The following SMCO1 variants were observed in gnomAD, a reference collection of about 807,000 sequenced individuals.
SMCO1 encodes single-pass membrane and coiled-coil domain-containing protein 1.
A neutral mutation model predicts 7.5 loss-of-function variants in SMCO1; 9 were observed. The observed-to-expected ratio is 1.20, with a 90% confidence interval of 0.72 to 2.09. The LOEUF (loss-of-function observed/expected upper bound fraction) is 2.09. SMCO1 is among the 30% of genes most tolerant of loss of function. The pLI is 0.00. For missense variants in SMCO1, 219 were observed against 253.1 expected (o/e 0.87, Z 0.91); for synonymous variants, 90 against 93.8 (o/e 0.96, Z 0.23).
intron 1 of SMCO1, among the ~76,000 whole-genome samples, chr3:196,513,791 C>G (rs950329123): frequency 2.6e-5 from 4 of 152,128 alleles, no homozygotes; most frequent in African/African-American, 7.2e-5. Flanking sequence ...TCTTTGGAAT[C>G]CTCTCACCAA....
chr3:196,512,306 C>T (rs1347017496), intron 1 of SMCO1, among the ~76,000 whole-genome samples: 1 of 152,174 alleles, frequency 6.6e-6, no homozygotes, highest in Non-Finnish European at 1.5e-5. Context: ...CCTGGGCCAC[C>T]TAGATTGTCG....
upstream of SMCO1, among the ~76,000 whole-genome samples, chr3:196,516,021 AT>A: frequency 3.3e-5 from 4 of 120,744 alleles, no homozygotes; most frequent in Admixed American, 9.3e-5. Context: ...ATATATATAT[AT>A]ATATATATAA....
At chr3:196,514,714 G>C (rs1436377262) in intron 1 of SMCO1, among the ~76,000 whole-genome samples, 1 of 152,130 alleles carries the variant, frequency 6.6e-6, no homozygotes, top group Admixed American at 6.5e-5. Flanking sequence ...ACATAGGTTT[G>C]GGCCTGGAAG....
At chr3:196,513,352 C>T (rs889979613) in intron 1 of SMCO1, among the ~76,000 whole-genome samples, 6 of 149,500 alleles carry the variant, frequency 4.0e-5, no homozygotes, top group South Asian at 2.1e-4. Flanking sequence ...GAAAGTTGGC[C>T]GGGTGCAGTG....
chr3:196,514,055 G>A (rs1468951880), intron 1 of SMCO1, among the ~76,000 whole-genome samples: 1 of 152,036 alleles, frequency 6.6e-6, no homozygotes, highest in Non-Finnish European at 1.5e-5. Flanking sequence ...CAAGATTACC[G>A]TAGCCTAACT....
chr3:196,516,734 C>T (rs1733395669), upstream of SMCO1, among the ~76,000 whole-genome samples: 1 of 152,082 alleles, frequency 6.6e-6, no homozygotes, highest in Admixed American at 6.6e-5. Flanking sequence ...GCACATAAGG[C>T]TTATAAGAGA....
chr3:196,516,242 T>C (rs1172160262), upstream of SMCO1, among the ~76,000 whole-genome samples: 1 of 151,368 alleles, frequency 6.6e-6, no homozygotes, highest in Non-Finnish European at 1.5e-5. Flanking sequence ...ATGGGATGTG[T>C]GCTAAGTAGA....
intron 2 of SMCO1, among the ~76,000 whole-genome samples, chr3:196,509,098 G>A (rs1252863425): frequency 6.6e-6 from 1 of 151,028 alleles, no homozygotes; most frequent in East Asian, 2.0e-4. Context: ...CACCCAGGCT[G>A]GAGTGCAGTG....
rs868400542 is a variant in SMCO1 at position 196,511,194 on chromosome 3, A to G, written c.51-1525T>C. Among the ~76,000 whole-genome samples, 14 of 133,522 alleles carry G rather than the reference A, an allele frequency of 1.0e-4. 1 individual carries two copies. Among genetic ancestry groups the G allele is most frequent in the African/African-American group, 4.2e-4 (11 of 26,136 alleles). The allele number at this position is 133,522 out of a possible 152,430, so 87.6% of individuals were successfully genotyped here. A position where few individuals can be genotyped will look rare whatever the true frequency, so the allele number is the denominator to read the frequency against. On this transcript the variant is annotated intron_variant, in intron 1 of 2. Coordinates refer to ENST00000397537, the MANE Select transcript of SMCO1 (RefSeq NM_001077657.3). ...CTTATGAGGGAAACCTGCCTGGGCC[A>G]CCTAGATTGTCTTTATGAGGGAAAC...
chr3:196,517,104 CAAAAAAA>C (rs56104987), upstream of SMCO1, among the ~76,000 whole-genome samples: 15 of 35,736 alleles, frequency 4.2e-4, no homozygotes, highest in African/African-American at 2.1e-3. Context: ...GACTCCATCG[CAAAAAAA>C]AAAAAAAAAA....
At chr3:196,516,030 T>TATATA (rs1280151233), upstream of SMCO1, among the ~76,000 whole-genome samples, 15 of 113,376 alleles carry the variant, frequency 1.3e-4, no homozygotes, top group Admixed American at 2.0e-4. Flanking sequence ...TATATATATA[T>TATATA]AATTATATAT....
upstream of SMCO1, among the ~76,000 whole-genome samples, chr3:196,519,550 T>C (rs950146710): frequency 1.3e-5 from 2 of 152,242 alleles, no homozygotes; most frequent in Admixed American, 1.3e-4. Flanking sequence ...TAAGTCCCTT[T>C]AAGGCACCTA....
intron 1 of SMCO1, among the ~76,000 whole-genome samples, chr3:196,511,379 A>G (rs1302307916): frequency 1.2e-3 from 144 of 121,034 alleles, no homozygotes; most frequent in African/African-American, 1.9e-3. Flanking sequence ...TGCCTGGGCC[A>G]CCTAGATTGT....
At chr3:196,515,988 GATATATATATATATATAT>G (rs200613159), upstream of SMCO1, among the ~76,000 whole-genome samples, 67 of 23,896 alleles carry the variant, frequency 2.8e-3, no homozygotes, top group East Asian at 5.1e-3. Flanking sequence ...AAGAGGATAG[GATATATATATATATATAT>G]ATATATATAT....
intron 1 of SMCO1, among the ~76,000 whole-genome samples, chr3:196,511,983 G>C (rs553270855): frequency 3.1e-5 from 4 of 128,836 alleles, no homozygotes; most frequent in Admixed American, 7.5e-5. Context: ...CTAGATTGTT[G>C]TTATGAGGGA....
chr3:196,517,097 T>A (rs1184671021), upstream of SMCO1, among the ~76,000 whole-genome samples: 6 of 84,508 alleles, frequency 7.1e-5, no homozygotes, highest in African/African-American at 3.3e-4. Context: ...ACAGCGAGAC[T>A]CCATCGCAAA....
At chr3:196,516,057 T>TTATA (rs10636541), upstream of SMCO1, among the ~76,000 whole-genome samples, 63 of 117,082 alleles carry the variant, frequency 5.4e-4, no homozygotes, top group Middle Eastern at 8.5e-3. Flanking sequence ...ATACATATAA[T>TTATA]TATATATAAT....
At chr3:196,512,808 T>C (rs189648816) in intron 1 of SMCO1, among the ~76,000 whole-genome samples, 287 of 152,094 alleles carry the variant, frequency 1.9e-3, no homozygotes, top group African/African-American at 6.5e-3. Flanking sequence ...GCACCCGGCC[T>C]AGAGATGTAT....
chr3:196,513,061 G>A (rs1401451852), intron 1 of SMCO1, among the ~76,000 whole-genome samples: 1 of 152,152 alleles, frequency 6.6e-6, no homozygotes, highest in Non-Finnish European at 1.5e-5. Flanking sequence ...AGGTGCAGTG[G>A]CTCACAACTG....
Sources: allele counts gnomAD v4.1 joint callset (sites outside exome capture counted in the v4.1 genomes callset), GRCh38; gene constraint gnomAD v4.1.1; transcripts MANE v1.5; gene names NCBI Gene and HGNC (gene_info 2026-07-23, HGNC 2026-07-21).